Variants in IL1R1 observed in about 807,000 individuals in gnomAD.
The protein encoded by IL1R1 is interleukin-1 receptor type 1.
In IL1R1, 22 loss-of-function variants were observed where a neutral mutation model predicts 50.2. The observed-to-expected ratio is 0.44, with a 90% CI of 0.31 to 0.63. The LOEUF (loss-of-function observed/expected upper bound fraction) is 0.63, where lower values mean the gene tolerates loss of function less well. Among genes scored for constraint, IL1R1 ranks in the 20% least tolerant of loss-of-function variants. The pLI, the probability that IL1R1 is intolerant of heterozygous loss-of-function variation, is 0.07. For missense variants in IL1R1, 509 were observed against 676.2 expected (o/e 0.75, Z 2.74); for synonymous variants, 251 against 236.7 (o/e 1.06, Z -0.55).
intron 1 of IL1R1, among the ~76,000 whole-genome samples, chr2:102,091,420 G>A (rs1679662378): frequency 6.6e-6 from 1 of 152,090 alleles, no homozygotes; most frequent in Admixed American, 6.5e-5. Flanking sequence ...AAGTGGAAGT[G>A]GATTTTATAG....
chr2:102,110,462 A>G (rs1490923893), intron 1 of IL1R1, among the ~76,000 whole-genome samples: 1 of 141,734 alleles, frequency 7.1e-6, no homozygotes, highest in East Asian at 2.2e-4. Flanking sequence ...ACCAATTAAC[A>G]CCCCTACCAG....
intron 1 of IL1R1, among the ~76,000 whole-genome samples, chr2:102,147,025 G>A (rs1469718255): frequency 6.6e-6 from 1 of 152,218 alleles, no homozygotes; most frequent in Non-Finnish European, 1.5e-5. Flanking sequence ...CACCGGACAT[G>A]TCTAAGCCAG....
At chr2:102,085,152 A>G (rs566578936) in intron 1 of IL1R1, among the ~76,000 whole-genome samples, 1 of 152,216 alleles carries the variant, frequency 6.6e-6, no homozygotes, top group African/African-American at 2.4e-5. Context: ...AGCAGTATCT[A>G]TTCCAAATAC....
chr2:102,080,227 A>G (rs1254924414), intron 1 of IL1R1, among the ~76,000 whole-genome samples: 1 of 152,234 alleles, frequency 6.6e-6, no homozygotes, highest in East Asian at 1.9e-4. Context: ...AACAAAATAG[A>G]TAATTGCACT....
At chr2:102,078,760 G>A (rs113769097) in intron 1 of IL1R1, among the ~76,000 whole-genome samples, 49 of 152,048 alleles carry the variant, frequency 3.2e-4, no homozygotes, top group African/African-American at 1.1e-3. Flanking sequence ...GTATTACCCC[G>A]GTACCAACAC....
intron 1 of IL1R1, among the ~76,000 whole-genome samples, chr2:102,133,112 C>T (rs574393464): frequency 1.3e-5 from 2 of 152,040 alleles, no homozygotes; most frequent in Admixed American, 6.5e-5. Flanking sequence ...GACATGGTGG[C>T]GGGCACCTGT....
At chr2:102,095,814 C>G (rs902245792) in intron 1 of IL1R1, among the ~76,000 whole-genome samples, 1 of 152,062 alleles carries the variant, frequency 6.6e-6, no homozygotes, top group African/African-American at 2.4e-5. Context: ...ACCATCCTGG[C>G]CAACATGGTG....
chr2:102,118,236 A>G (rs1681199053), intron 1 of IL1R1, among the ~76,000 whole-genome samples: 1 of 152,148 alleles, frequency 6.6e-6, no homozygotes, highest in Non-Finnish European at 1.5e-5. Flanking sequence ...GTCTTGTAAG[A>G]ATCCCAGAAC....
chr2:102,164,360 G>C (rs1357709649), intron 3 of IL1R1, among the ~76,000 whole-genome samples: 1 of 152,004 alleles, frequency 6.6e-6, no homozygotes, highest in Non-Finnish European at 1.5e-5. Context: ...GTCTTTCTGG[G>C]ATTTCTCTCC....
chr2:102,172,031 C>CTTTTTTTTTT lies in IL1R1; in HGVS notation c.839+129_839+138dup, dbSNP rs35265416. 1.3e-3 allele frequency: 111 copies of CTTTTTTTTTT among 88,552 alleles called. 1 individual carries two copies. The highest frequency in any genetic ancestry group is 3.9e-3 in the Middle Eastern group (1 of 256). 5.5% of individuals were successfully genotyped at this position (88,552 alleles called of 1,614,324 possible). A position where few individuals can be genotyped will look rare whatever the true frequency, so the allele number is the denominator to read the frequency against. ...GTTAGTTGCTCCTAACCTTTGCTGC[C>CTTTTTTTTTT]TTTTTTTTTTTTTTTTTTTTTTTTT... On this transcript the variant is annotated intron_variant, in intron 8 of 11. Coordinates refer to ENST00000410023, the MANE Select transcript of IL1R1 (RefSeq NM_000877.4).
intron 8 of IL1R1, chr2:102,172,380 TCTC>T: frequency 2.0e-6 from 2 of 985,288 alleles, no homozygotes; most frequent in African/African-American, 3.5e-5. Flanking sequence ...TCTGCCCCAA[TCTC>T]CTCTTGTTTA....
At chr2:102,081,266 AT>A (rs1170269991) in intron 1 of IL1R1, among the ~76,000 whole-genome samples, 2 of 152,210 alleles carry the variant, frequency 1.3e-5, no homozygotes, top group Admixed American at 1.3e-4. Flanking sequence ...GAGAGTATCT[AT>A]TTCTAACTGT....
intron 1 of IL1R1, among the ~76,000 whole-genome samples, chr2:102,145,276 G>A (rs1683016964): frequency 6.6e-6 from 1 of 152,148 alleles, no homozygotes; most frequent in Non-Finnish European, 1.5e-5. Flanking sequence ...AGGTTGTGAG[G>A]TGGGCTGGTG....
At chr2:102,150,984 G>A (rs1683600267) in intron 1 of IL1R1, among the ~76,000 whole-genome samples, 1 of 152,130 alleles carries the variant, frequency 6.6e-6, no homozygotes, top group African/African-American at 2.4e-5. Flanking sequence ...AATAACAGTG[G>A]CATACACACA....
chr2:102,174,564 C>CTTTTTTTTTTTTTTTTTTTTTT, intron 9 of IL1R1, 23 bp from the exon 10 acceptor site: 1 of 1,490,218 alleles, frequency 6.7e-7, no homozygotes, highest in Non-Finnish European at 9.0e-7. Flanking sequence ...ATTTTTTCTC[C>CTTTTTTTTTTTTTTTTTTTTTT]TTTTTTTTTC....
At chr2:102,108,945 G>GAAT (rs147984449) in intron 1 of IL1R1, among the ~76,000 whole-genome samples, 2,867 of 145,384 alleles carry the variant, frequency 0.02, 31 homozygotes, top group East Asian at 0.036. Flanking sequence ...ACTTGGTACT[G>GAAT]AATAATAATA....
Position 102,172,800 on chromosome 2 carries a change from A to G in IL1R1, c.953A>G (p.His318Arg). ...HPFTCFAKNT[H>R]GIDAAYIQLI... ...TTTACCTGTTTTGCCAAGAATACAC[A>G]TGGTATAGATGCAGCATATATCCAG... The change falls in exon 9 of 12, where the codon CAT becomes CGT. Residue 318 changes from histidine to arginine, a missense_variant. His to Arg is a conservative substitution (Grantham distance 29). Transcript: ENST00000410023. 4 of 1,610,982 alleles carry G rather than the reference A, an allele frequency of 2.5e-6. No homozygotes were observed. Among genetic ancestry groups the G allele is most frequent in the Non-Finnish European group, 3.4e-6 (4 of 1,177,588 alleles).
At chr2:102,154,718 G>T (rs1401174451) in intron 2 of IL1R1, among the ~76,000 whole-genome samples, 2 of 152,142 alleles carry the variant, frequency 1.3e-5, no homozygotes, top group East Asian at 3.8e-4. Context: ...CAAAATGTCT[G>T]CAAAAAATGG....
chr2:102,095,824 G>A (rs2104323823), intron 1 of IL1R1, among the ~76,000 whole-genome samples: 1 of 152,230 alleles, frequency 6.6e-6, no homozygotes, highest in Non-Finnish European at 1.5e-5. Flanking sequence ...CCAACATGGT[G>A]AAACCCCATC....
Sources: allele counts gnomAD v4.1 joint callset (sites outside exome capture counted in the v4.1 genomes callset), GRCh38; gene constraint gnomAD v4.1.1; transcripts MANE v1.5; gene names NCBI Gene and HGNC (gene_info 2026-07-23, HGNC 2026-07-21).